Variants in PDGFC observed in about 807,000 individuals in gnomAD.
The protein encoded by PDGFC is platelet derived growth factor C, also known as platelet-derived growth factor C.
Under a neutral mutation model 35.5 loss-of-function variants are expected in PDGFC, and 12 were observed. The ratio of observed to expected loss-of-function variants is 0.34; its 90% CI spans 0.22 to 0.55. PDGFC has a LOEUF of 0.55. PDGFC is among the 20% of genes least tolerant of loss of function. The pLI, the probability that PDGFC is intolerant of heterozygous loss-of-function variation, is 0.91. For synonymous variants in PDGFC, 159 were observed against 148.8 expected (o/e 1.07, Z -0.50); for missense variants, 322 against 412.4 (o/e 0.78, Z 1.90).
chr4:156,857,762 GC>G (rs1729616907), intron 1 of PDGFC, among the ~76,000 whole-genome samples: 1 of 151,994 alleles, frequency 6.6e-6, no homozygotes, highest in Non-Finnish European at 1.5e-5. Flanking sequence ...AAATACAATG[GC>G]TTTTTCCGAA....
intron 3 of PDGFC, among the ~76,000 whole-genome samples, chr4:156,780,835 A>G (rs1014961671): frequency 1.3e-5 from 2 of 152,174 alleles, no homozygotes; most frequent in East Asian, 1.9e-4. Flanking sequence ...GCTGAATCCA[A>G]TGGTCTGTTT....
chr4:156,948,758 C>G (rs1387390133), intron 1 of PDGFC, among the ~76,000 whole-genome samples: 1 of 151,912 alleles, frequency 6.6e-6, no homozygotes, highest in Non-Finnish European at 1.5e-5. Context: ...ATTCTAGTTC[C>G]TCTACATACA....
At chr4:156,781,448 CCTG>C (rs972025548) in intron 3 of PDGFC, among the ~76,000 whole-genome samples, 1 of 152,084 alleles carries the variant, frequency 6.6e-6, no homozygotes, top group African/African-American at 2.4e-5. Context: ...AGAAAAATAT[CCTG>C]CTTTTAAATT....
chr4:156,925,277 C>T (rs1156816787), intron 1 of PDGFC, among the ~76,000 whole-genome samples: 2 of 152,104 alleles, frequency 1.3e-5, no homozygotes, highest in Non-Finnish European at 2.9e-5. Flanking sequence ...TGGACAGGCT[C>T]TTATGTGCAT....
intron 2 of PDGFC, among the ~76,000 whole-genome samples, chr4:156,813,900 T>G (rs1732008116): frequency 6.6e-6 from 1 of 152,162 alleles, no homozygotes; most frequent in African/African-American, 2.4e-5. Flanking sequence ...AGGGCTCATC[T>G]CCAGAATTCG....
chr4:156,863,034 A>C lies in PDGFC; in HGVS notation c.119-12618T>G, dbSNP rs1039396043. Reference sequence around the variant, plus strand: ...GTTCTTACAATGATTTTCCGATTACAAAAAACCTTCTCATACATAAGTTTT... The same window carrying C: ...GTTCTTACAATGATTTTCCGATTACCAAAAACCTTCTCATACATAAGTTTT... On this transcript the variant is annotated intron_variant, in intron 1 of 5. Transcript: ENST00000502773. Among the ~76,000 whole-genome samples the C allele has an allele frequency of 2.0e-5, 3 of 152,100 alleles. No homozygotes were observed. In the East Asian group the frequency reaches 5.8e-4, roughly 29 times the overall value.
chr4:156,781,566 T>C (rs1275780803), intron 3 of PDGFC, among the ~76,000 whole-genome samples: 1 of 152,216 alleles, frequency 6.6e-6, no homozygotes. Context: ...GTTAATGCAG[T>C]ATGCCTCCTG....
chr4:156,952,070 T>C (rs985355354), intron 1 of PDGFC, among the ~76,000 whole-genome samples: 1 of 151,846 alleles, frequency 6.6e-6, no homozygotes, highest in Non-Finnish European at 1.5e-5. Flanking sequence ...ATGTGTCCTC[T>C]TTATAGCATA....
At chr4:156,945,490 A>G (rs959035044) in intron 1 of PDGFC, among the ~76,000 whole-genome samples, 1 of 150,856 alleles carries the variant, frequency 6.6e-6, no homozygotes, top group Non-Finnish European at 1.5e-5. Context: ...AACAGAAAAA[A>G]TATAGCTCCT....
chr4:156,877,596 C>A (rs1044205352), intron 1 of PDGFC, among the ~76,000 whole-genome samples: 1 of 152,004 alleles, frequency 6.6e-6, no homozygotes, highest in African/African-American at 2.4e-5. Flanking sequence ...AAGGATTATT[C>A]GAGGCACTGT....
chr4:156,826,174 ATTTTTTTTTT>A (rs59421806), intron 2 of PDGFC, among the ~76,000 whole-genome samples: 13 of 43,792 alleles, frequency 3.0e-4, no homozygotes, highest in African/African-American at 1.0e-3. Context: ...TTTGAGTTGG[ATTTTTTTTTT>A]TTTTTTTTTT....
chr4:156,943,849 C>A (rs1731873367), intron 1 of PDGFC, among the ~76,000 whole-genome samples: 1 of 152,086 alleles, frequency 6.6e-6, no homozygotes, highest in Non-Finnish European at 1.5e-5. Context: ...GAATTTAAAC[C>A]TAATTTCACT....
chr4:156,901,703 A>G (rs1730790395), intron 1 of PDGFC, among the ~76,000 whole-genome samples: 1 of 151,724 alleles, frequency 6.6e-6, no homozygotes, highest in Non-Finnish European at 1.5e-5. Context: ...GCTCACTGCA[A>G]CCTCCGCCTC....
At chr4:156,773,638 T>C (rs1730745929) in intron 3 of PDGFC, 1 of 152,152 alleles carries the variant, frequency 6.6e-6, no homozygotes, top group African/African-American at 2.4e-5. Context: ...CTGAACTTCA[T>C]TATCAGAGAA....
intron 1 of PDGFC, among the ~76,000 whole-genome samples, chr4:156,882,958 C>A (rs1441966424): frequency 6.6e-6 from 1 of 151,998 alleles, no homozygotes. Flanking sequence ...GTGGCAGACA[C>A]CTGTAGTCCC....
At chr4:156,786,841 G>C (rs1289292769) in intron 3 of PDGFC, among the ~76,000 whole-genome samples, 2 of 152,182 alleles carry the variant, frequency 1.3e-5, no homozygotes, top group Non-Finnish European at 2.9e-5. Flanking sequence ...GGAGCTATTG[G>C]AGAGTTTCAA....
Position 156,911,336 on chromosome 4 carries a change from C to T in PDGFC, c.118+59450G>A, listed in dbSNP as rs117228613. 3.2e-3 allele frequency among the ~76,000 whole-genome samples: 490 copies of T among 152,116 alleles called. 13 individuals carry two copies. The East Asian group carries it at 0.073, about 23-fold the overall frequency. ...AGTCTCATATAGAGGATATCATATGCTTAGTTTTTTTCTTTTATTGTGAAA... is the reference window on the plus strand; with the variant it reads ...AGTCTCATATAGAGGATATCATATGTTTAGTTTTTTTCTTTTATTGTGAAA... On this transcript the variant is annotated intron_variant, in intron 1 of 5. Transcript: ENST00000502773.
chr4:156,891,194 T>A (rs1237929655), intron 1 of PDGFC, among the ~76,000 whole-genome samples: 28 of 140,494 alleles, frequency 2.0e-4, no homozygotes, highest in African/African-American at 7.4e-4. Context: ...AAAGGAAAAA[T>A]GCGTGAACCC....
At position 156,804,291 on chromosome 4, in the gene PDGFC, G is replaced by C. The variant is rs116439608; in HGVS notation, c.495+6546C>G. Among the ~76,000 whole-genome samples, 1,032 of 152,070 alleles carry C rather than the reference G, an allele frequency of 6.8e-3. 16 individuals are homozygous for C. Among genetic ancestry groups the C allele is most frequent in the African/African-American group, 0.024 (995 of 41,524 alleles). Reference sequence around the variant, plus strand: ...CGTATTCTGATCAAACTATAGTTTAGAGCAACTGAATCTCCAAGCATATCT... The same window carrying C: ...CGTATTCTGATCAAACTATAGTTTACAGCAACTGAATCTCCAAGCATATCT... On this transcript the variant is annotated intron_variant, in intron 3 of 5. Coordinates refer to ENST00000502773, the MANE Select transcript of PDGFC (RefSeq NM_016205.3).
Sources: gnomAD v4.1 joint callset for allele counts (sites outside exome capture counted in the v4.1 genomes callset) on GRCh38, gnomAD v4.1.1 for gene constraint, MANE v1.5 for transcripts, NCBI Gene and HGNC (gene_info 2026-07-23, HGNC 2026-07-21) for gene names.